AHCYL2: variants seen among roughly 807,000 people sequenced by gnomAD.
The protein encoded by AHCYL2 is S-adenosylhomocysteine hydrolase-like protein 2.
A neutral mutation model predicts 81.4 loss-of-function variants in AHCYL2; 28 were observed. That is an observed-to-expected ratio of 0.34 (90% confidence interval 0.25 to 0.47). The LOEUF is 0.47. AHCYL2 is among the 20% of genes least tolerant of loss of function. AHCYL2 has a pLI of 1.00. For missense variants in AHCYL2, 551 were observed against 785.1 expected (o/e 0.70, Z 3.56); for synonymous variants, 272 against 290.2 (o/e 0.94, Z 0.64).
intron 12 of AHCYL2, among the ~76,000 whole-genome samples, chr7:129,418,749 A>C (rs1312101981): frequency 1.3e-5 from 2 of 152,206 alleles, no homozygotes; most frequent in East Asian, 3.9e-4. Flanking sequence ...GTCTCTAAAA[A>C]TAAAATTACT....
chr7:129,421,339 T>C (rs1455311232), intron 12 of AHCYL2, among the ~76,000 whole-genome samples: 2 of 152,182 alleles, frequency 1.3e-5, no homozygotes, highest in African/African-American at 2.4e-5. Context: ...TAGTACCTTT[T>C]TAAAAAAGAG....
chr7:129,344,506 A>G (rs539707093), intron 1 of AHCYL2, among the ~76,000 whole-genome samples: 1 of 152,376 alleles, frequency 6.6e-6, no homozygotes, highest in Admixed American at 6.5e-5. Context: ...ATGATTCCAT[A>G]TGATTTGTAT....
intron 1 of AHCYL2, among the ~76,000 whole-genome samples, chr7:129,330,628 G>A (rs778330817): frequency 6.6e-6 from 1 of 151,964 alleles, no homozygotes; most frequent in Non-Finnish European, 1.5e-5. Flanking sequence ...CCACCACCAC[G>A]CCCGGCTAAT....
intron 1 of AHCYL2, among the ~76,000 whole-genome samples, chr7:129,229,225 G>A (rs780068024): frequency 6.6e-6 from 1 of 152,104 alleles, no homozygotes; most frequent in African/African-American, 2.4e-5. Flanking sequence ...GCACCACCAT[G>A]CCCGGCTAAT....
intron 12 of AHCYL2, among the ~76,000 whole-genome samples, chr7:129,421,503 T>G (rs1797117900): frequency 6.6e-6 from 1 of 152,184 alleles, no homozygotes; most frequent in Admixed American, 6.5e-5. Context: ...GATAGAGCCC[T>G]AAAAAAGTGA....
intron 1 of AHCYL2, among the ~76,000 whole-genome samples, chr7:129,236,444 G>T (rs550860330): frequency 6.6e-6 from 1 of 151,864 alleles, no homozygotes; most frequent in Non-Finnish European, 1.5e-5. Context: ...CAGGTGATCC[G>T]CCTGCCTCGG....
chr7:129,364,102 G>A (rs1794023720), intron 1 of AHCYL2, among the ~76,000 whole-genome samples: 1 of 151,874 alleles, frequency 6.6e-6, no homozygotes, highest in Non-Finnish European at 1.5e-5. Flanking sequence ...TGCCAGGTGT[G>A]GTGGTGCACA....
Position 129,225,165 on chromosome 7 carries a change from A to G in AHCYL2, c.89A>G (p.Gln30Arg). The G allele has an allele frequency of 6.3e-7, 1 of 1,596,072 alleles. No homozygotes were observed. Among genetic ancestry groups the G allele is most frequent in the Non-Finnish European group, 8.5e-7 (1 of 1,173,914 alleles). ...KDLSPSEAES[Q>R]LGLSTAAVGA... ...CTGAGCCCCTCCGAGGCGGAGTCGC[A>G]ACTAGGACTGAGCACGGCCGCCGTG... The change falls in exon 1 of 17, where the codon CAA (glutamine) becomes CGA (arginine). Residue 30 changes from glutamine (Q) to arginine (R), a missense_variant. This residue lies in a region of AHCYL2 where 235 missense variants were observed against 242.1 expected (regional missense o/e 0.97). Coordinates refer to ENST00000325006, the MANE Select transcript of AHCYL2 (RefSeq NM_015328.4).
chr7:129,400,378 A>G lies in AHCYL2; in HGVS notation c.912A>G (p.Pro304=), dbSNP rs771199865. The part of the protein sequence containing the change: ...DRCVNVEGWQ[P]NMILDDGGDL... ...GTGTGAATGTGGAGGGCTGGCAGCC[A>G]AACATGGTGGGTCAGATTTCTGCTA... Residue 304 remains proline (P), a synonymous_variant, in exon 6 of 17, where the codon CCA becomes CCG. Transcript: ENST00000325006. 6.2e-7 allele frequency: 1 copy of G among 1,613,040 alleles called. No homozygotes were observed. Among genetic ancestry groups the G allele is most frequent in the Non-Finnish European group, 8.5e-7 (1 of 1,179,310 alleles).
intron 1 of AHCYL2, among the ~76,000 whole-genome samples, chr7:129,304,380 A>G (rs1320693620): frequency 1.3e-5 from 2 of 152,238 alleles, no homozygotes; most frequent in Non-Finnish European, 2.9e-5. Flanking sequence ...AATGTTCTGT[A>G]AATATCTATT....
chr7:129,427,117 G>T lies in AHCYL2; in HGVS notation c.*72G>T. ...CTTTTCTCCACTACTATACAAGAAAGAATTCAGCAAGCTGCTTCTCCAATC... is the reference window on the plus strand; with the variant it reads ...CTTTTCTCCACTACTATACAAGAAATAATTCAGCAAGCTGCTTCTCCAATC... On this transcript the variant is annotated 3_prime_UTR_variant, in exon 17 of 17. Coordinates refer to ENST00000325006, the MANE Select transcript of AHCYL2 (RefSeq NM_015328.4). The surrounding 1 kb of genome is among the most constrained non-coding windows in gnomAD (Gnocchi z 5.5). 1 of 1,471,738 alleles carries T rather than the reference G, an allele frequency of 6.8e-7. No individual in the cohort carries two copies. 91.2% of individuals were successfully genotyped at this position (1,471,738 alleles called of 1,614,324 possible).
At position 129,419,438 on chromosome 7, in the gene AHCYL2, C is replaced by T. The variant is rs1313241652; in HGVS notation, c.1462-3402C>T. On this transcript the variant is annotated intron_variant, in intron 12 of 16. Transcript: ENST00000325006. The surrounding 1 kb of genome is among the most constrained non-coding windows in gnomAD (Gnocchi z 4.7). Reference sequence around the variant, plus strand: ...GCATGGTGGCGTGTGCCTGTAATCCCAGCTACTCAGGAGGCTGAGGCAGGA... The same window carrying T: ...GCATGGTGGCGTGTGCCTGTAATCCTAGCTACTCAGGAGGCTGAGGCAGGA... Among the ~76,000 whole-genome samples, 2 of 152,084 alleles carry T rather than the reference C, an allele frequency of 1.3e-5. No individual in the cohort carries two copies. The highest frequency in any genetic ancestry group is 1.5e-5 in the Non-Finnish European group (1 of 68,000).
chr7:129,324,522 T>G (rs1798149522), intron 1 of AHCYL2, among the ~76,000 whole-genome samples: 1 of 152,198 alleles, frequency 6.6e-6, no homozygotes, highest in Non-Finnish European at 1.5e-5. Flanking sequence ...TATTACTTTT[T>G]ATTTTTGTTT....
chr7:129,269,265 C>T (rs1198314729), intron 1 of AHCYL2, among the ~76,000 whole-genome samples: 1 of 151,594 alleles, frequency 6.6e-6, no homozygotes, highest in Non-Finnish European at 1.5e-5. Flanking sequence ...ACTGGGACCA[C>T]CATGGTGTGC....
Position 129,427,193 on chromosome 7 carries a change from A to G in AHCYL2, c.*148A>G. 2.4e-6 allele frequency: 2 copies of G among 835,748 alleles called. No individual in the cohort carries two copies. The highest frequency in any genetic ancestry group is 5.4e-5 in the East Asian group (2 of 36,956). The allele number at this position is 835,748 out of a possible 1,614,324, so 51.8% of individuals were successfully genotyped here. A position where few individuals can be genotyped will look rare whatever the true frequency, so the allele number is the denominator to read the frequency against. On this transcript the variant is annotated 3_prime_UTR_variant, in exon 17 of 17. Coordinates refer to ENST00000325006, the MANE Select transcript of AHCYL2 (RefSeq NM_015328.4). The surrounding 1 kb of genome is among the most constrained non-coding windows in gnomAD (Gnocchi z 5.5). ...TGTGTTAGGTTATTTATTTATTAAA[A>G]TCAAGAATCCTGTGCCTGTAGTGTT...
intron 10 of AHCYL2, among the ~76,000 whole-genome samples, chr7:129,409,061 T>C (rs1484935290): frequency 1.3e-5 from 2 of 151,344 alleles, no homozygotes; most frequent in Non-Finnish European, 2.9e-5. Flanking sequence ...CACTCCAGCC[T>C]GGGCAGCATA....
At chr7:129,398,019 T>A (rs1433110660) in intron 5 of AHCYL2, among the ~76,000 whole-genome samples, 1 of 152,238 alleles carries the variant, frequency 6.6e-6, no homozygotes, top group Non-Finnish European at 1.5e-5. Context: ...TTCCTTTTTT[T>A]AAAAGTAGAA....
intron 1 of AHCYL2, among the ~76,000 whole-genome samples, chr7:129,311,255 T>C (rs1797647316): frequency 6.6e-6 from 1 of 152,198 alleles, no homozygotes; most frequent in African/African-American, 2.4e-5. Flanking sequence ...ATTCAAAGCA[T>C]GAATAGGACG....
chr7:129,292,445 A>G (rs533732259), intron 1 of AHCYL2, among the ~76,000 whole-genome samples: 1 of 152,288 alleles, frequency 6.6e-6, no homozygotes, highest in East Asian at 1.9e-4. Flanking sequence ...TCTCCCACTC[A>G]GTAAAGTTAA....
Sources: gnomAD v4.1 joint callset for allele counts (sites outside exome capture counted in the v4.1 genomes callset) on GRCh38, gnomAD v4.1.1 for gene constraint, gnomAD v4.1.1 regional missense constraint, Gnocchi (gnomAD v3.1) non-coding constraint, MANE v1.5 for transcripts, NCBI Gene and HGNC (gene_info 2026-07-23, HGNC 2026-07-21) for gene names.